Variants in XIRP2 observed in about 807,000 individuals in gnomAD.
The protein encoded by XIRP2 is xin actin-binding repeat-containing protein 2.
Under a neutral mutation model 277.0 loss-of-function variants are expected in XIRP2, and 236 were observed. That is an observed-to-expected ratio of 0.85 (90% CI 0.77 to 0.95). The LOEUF (loss-of-function observed/expected upper bound fraction) is 0.95, where lower values mean the gene tolerates loss of function less well. Among genes scored for constraint, XIRP2 ranks in the 40% least tolerant of loss-of-function variants. The probability of loss-of-function intolerance (pLI) is 0.00; values close to 1 mark genes in which losing one functional copy is unlikely to be tolerated. For missense variants in XIRP2, 4,640 were observed against 4,157.5 expected, an observed-to-expected ratio of 1.12 and a Z score of -3.19; for synonymous variants, 1,490 against 1,416.5, an observed-to-expected ratio of 1.05 and a Z score of -1.17.
intron 1 of XIRP2, among the ~76,000 whole-genome samples, chr2:166,897,645 A>G (rs1414828631): frequency 6.6e-6 from 1 of 152,156 alleles, no homozygotes; most frequent in Non-Finnish European, 1.5e-5. Flanking sequence ...AGGGAGAGCC[A>G]CCAAGGAATG....
rs201887325 is a variant in XIRP2, at chr2:167,240,704, C to A, written c.1010C>A (p.Ala337Glu). 1.1e-4 allele frequency: 177 copies of A among 1,613,708 alleles called. No individual in the cohort carries two copies. The highest frequency in any genetic ancestry group is 1.5e-4 in the Non-Finnish European group (175 of 1,179,842). The change falls in exon 7 of 11, where the codon GCA becomes GAA. Residue 337 changes from alanine (A) to glutamate (E), a missense_variant. Coordinates refer to ENST00000409195, the MANE Select transcript of XIRP2 (RefSeq NM_152381.6). Reference protein sequence around the residue: ...LEKHTEEVNQASQFHQYVQET... With the variant: ...LEKHTEEVNQESQFHQYVQET... ...AAGCACACCGAGGAAGTAAACCAAGCATCTCAGTTTCATCAATATGTTCAA... is the reference window on the plus strand; with the variant it reads ...AAGCACACCGAGGAAGTAAACCAAGAATCTCAGTTTCATCAATATGTTCAA...
At chr2:167,092,587 A>T (rs1380465934) in intron 2 of XIRP2, among the ~76,000 whole-genome samples, 1 of 152,158 alleles carries the variant, frequency 6.6e-6, no homozygotes, top group African/African-American at 2.4e-5. Context: ...AAAATAAAAA[A>T]TATACCCATT....
chr2:167,253,328 A>G (rs1695568160), intron 9 of XIRP2, among the ~76,000 whole-genome samples: 1 of 151,878 alleles, frequency 6.6e-6, no homozygotes, highest in Non-Finnish European at 1.5e-5. Context: ...TTAGAGGAGC[A>G]AGAAAAGATG....
At position 167,258,507 on chromosome 2, in the gene XIRP2, G is replaced by T. The variant is rs1034578706; in HGVS notation, c.*690G>T. 5.0e-6 allele frequency: 8 copies of T among 1,613,038 alleles called. No homozygotes were observed. Among genetic ancestry groups the T allele is most frequent in the Non-Finnish European group, 6.8e-6 (8 of 1,179,630 alleles). On this transcript the variant is annotated 3_prime_UTR_variant, in exon 11 of 11. Transcript: ENST00000409195. ...GAAGACACAAAGAGTAACAGGAAAA[G>T]TGCTATGGATCTTAATGACAACAAT... is the stretch of plus-strand genomic sequence containing the variant.
At chr2:166,921,502 T>G (rs370394735) in intron 2 of XIRP2, among the ~76,000 whole-genome samples, 1 of 152,158 alleles carries the variant, frequency 6.6e-6, no homozygotes, top group East Asian at 1.9e-4. Context: ...CGCTCCATCA[T>G]AATTATTAAA....
At chr2:166,962,331 A>G (rs1300347336) in intron 2 of XIRP2, among the ~76,000 whole-genome samples, 1 of 151,704 alleles carries the variant, frequency 6.6e-6, no homozygotes, top group African/African-American at 2.4e-5. Flanking sequence ...AAACTGTATA[A>G]GCAGAACCAC....
At position 167,246,939 on chromosome 2, in the gene XIRP2, C is replaced by T. The variant is rs750997982; in HGVS notation, c.5547C>T (p.Ser1849=). The T allele has an allele frequency of 1.9e-6, 3 of 1,613,358 alleles. No homozygotes were observed. Among genetic ancestry groups the T allele is most frequent in the Non-Finnish European group, 1.7e-6 (2 of 1,179,750 alleles). ...GDLTSTLNSL[S]QAVNQKTVTK... ...TGACATCAACCCTAAATTCCCTCAG[C>T]CAGGCTGTAAATCAGAAAACAGTGA... Residue 1849 remains serine (S), a synonymous_variant, in exon 9 of 11, where the codon AGC becomes AGT. Transcript: ENST00000409195.
chr2:167,242,020 C>T, intron 8 of XIRP2, 110 bp downstream of exon 8: 2 of 1,352,678 alleles, frequency 1.5e-6, no homozygotes, highest in Non-Finnish European at 2.0e-6. Context: ...AAAAAAAATT[C>T]TGAACTGGCA....
intron 2 of XIRP2, among the ~76,000 whole-genome samples, chr2:167,084,501 G>A (rs1458040441): frequency 3.3e-5 from 5 of 151,084 alleles, no homozygotes; most frequent in Non-Finnish European, 5.9e-5. Flanking sequence ...GATTGGAATA[G>A]TTTCAGAAGG....
Position 167,249,717 on chromosome 2 carries a change from G to C in XIRP2, c.8325G>C (p.Lys2775Asn). The C allele has an allele frequency of 6.2e-7, 1 of 1,613,416 alleles. No homozygotes were observed. Residue 2775 changes from lysine (K) to asparagine (N), a missense_variant, in exon 9 of 11, where the codon AAG becomes AAC. Lys to Asn is a moderately conservative substitution (Grantham distance 94, BLOSUM62 0). Coordinates refer to ENST00000409195, the MANE Select transcript of XIRP2 (RefSeq NM_152381.6). ...SLAERHYQLP[K>N]KEKRVTVQLP... ...CTGAAAGACATTATCAGTTACCTAA[G>C]AAGGAGAAAAGAGTGACAGTACAAT...
At chr2:166,946,364 T>G (rs1344708838) in intron 2 of XIRP2, among the ~76,000 whole-genome samples, 5 of 152,208 alleles carry the variant, frequency 3.3e-5, no homozygotes, top group African/African-American at 1.2e-4. Flanking sequence ...ACTATCCATT[T>G]GCTTGTCCTT....
In XIRP2 at chr2:167,246,717, A is replaced by C. The variant is rs1381823386; in HGVS notation, c.5325A>C (p.Glu1775Asp). Residue 1775 changes from glutamate (E) to aspartate (D), a missense_variant, in exon 9 of 11, where the codon GAA (glutamate) becomes GAC (aspartate). Glu to Asp is a conservative substitution (Grantham distance 45, BLOSUM62 2). Coordinates refer to ENST00000409195, the MANE Select transcript of XIRP2 (RefSeq NM_152381.6). ...AAACACTGACAGCTAAGAAACAAGA[A>C]GGAGAGAAAGAAATCATTGGTGGTG... ...SNETLTAKKQ[E>D]GEKEIIGGDV... The C allele has an allele frequency of 6.2e-7, 1 of 1,613,786 alleles. No individual in the cohort carries two copies. The highest frequency in any genetic ancestry group is 8.5e-7 in the Non-Finnish European group (1 of 1,179,826).
At chr2:167,076,315 A>C (rs1689570556) in intron 2 of XIRP2, among the ~76,000 whole-genome samples, 1 of 152,230 alleles carries the variant, frequency 6.6e-6, no homozygotes, top group African/African-American at 2.4e-5. Flanking sequence ...CTTTTATTTC[A>C]ATGCTAATAC....
At chr2:167,185,559 GA>G (rs1328537688) in intron 3 of XIRP2, among the ~76,000 whole-genome samples, 3 of 151,992 alleles carry the variant, frequency 2.0e-5, no homozygotes, top group African/African-American at 7.2e-5. Flanking sequence ...AGAAGGTGGG[GA>G]AGCTAGAAGT....
rs1695715347 is a variant in XIRP2 at position 167,258,124 on chromosome 2, G to T, written c.*307G>T. 6.2e-7 allele frequency: 1 copy of T among 1,613,044 alleles called. No individual in the cohort carries two copies. Among genetic ancestry groups the T allele is most frequent in the Non-Finnish European group, 8.5e-7 (1 of 1,179,550 alleles). ...ACAGTGAAGGGCAAAGGAATGATTT[G>T]AGAAAATTAGGGGAAAGGGGAAAAT... On this transcript the variant is annotated 3_prime_UTR_variant, in exon 11 of 11. Transcript: ENST00000409195.
chr2:167,183,927 AATTT>A (rs1163580628), intron 3 of XIRP2, among the ~76,000 whole-genome samples: 2 of 152,150 alleles, frequency 1.3e-5, no homozygotes, highest in African/African-American at 2.4e-5. Context: ...TGACCGCCTT[AATTT>A]ATTTATTTAT....
At chr2:166,932,977 T>G (rs910137055) in intron 2 of XIRP2, among the ~76,000 whole-genome samples, 1 of 152,106 alleles carries the variant, frequency 6.6e-6, no homozygotes, top group Non-Finnish European at 1.5e-5. Flanking sequence ...CCTGGTGAAC[T>G]TCCTCAACCC....
At chr2:167,164,307 G>A (rs535734883) in intron 3 of XIRP2, among the ~76,000 whole-genome samples, 42 of 151,934 alleles carry the variant, frequency 2.8e-4, no homozygotes, top group Admixed American at 1.6e-3. Flanking sequence ...TTAGCCGGGC[G>A]TGTTAGCCGG....
Position 167,248,076 on chromosome 2 carries a change from T to C in XIRP2, c.6684T>C (p.Ser2228=). The part of the protein sequence containing the change: ...DTSNVTEMKV[S]EKSHNTFKAT... Reference sequence around the variant, plus strand: ...CCAATGTAACAGAAATGAAAGTCTCTGAAAAAAGTCACAATACATTTAAGG... The same window carrying C: ...CCAATGTAACAGAAATGAAAGTCTCCGAAAAAAGTCACAATACATTTAAGG... The change falls in exon 9 of 11, where the codon TCT becomes TCC. Residue 2228 remains serine (S), a synonymous_variant. Coordinates refer to ENST00000409195, the MANE Select transcript of XIRP2 (RefSeq NM_152381.6). 1 of 1,613,484 alleles carries C rather than the reference T, an allele frequency of 6.2e-7. No homozygotes were observed. Among genetic ancestry groups the C allele is most frequent in the Non-Finnish European group, 8.5e-7 (1 of 1,179,736 alleles).
Sources: allele counts gnomAD v4.1 joint callset (sites outside exome capture counted in the v4.1 genomes callset), GRCh38; gene constraint gnomAD v4.1.1; transcripts MANE v1.5; gene names NCBI Gene and HGNC (gene_info 2026-07-23, HGNC 2026-07-21).